TOR1AIP1: variants seen among roughly 807,000 people sequenced by gnomAD.
TOR1AIP1 encodes the protein torsin 1A interacting protein 1.
Under a neutral mutation model 63.3 loss-of-function variants are expected in TOR1AIP1, and 54 were observed. The ratio of observed to expected loss-of-function variants is 0.85; its 90% CI spans 0.69 to 1.07. The LOEUF is 1.07. Among genes scored for constraint, TOR1AIP1 ranks in the 50% least tolerant of loss-of-function variants. The pLI, the probability that TOR1AIP1 is intolerant of heterozygous loss-of-function variation, is 0.00. For synonymous variants in TOR1AIP1, 294 were observed against 273.5 expected (o/e 1.07, Z -0.74); for missense variants, 736 against 715.0 (o/e 1.03, Z -0.33).
At position 179,918,486 on chromosome 1, in the gene TOR1AIP1, T is replaced by G. The variant is rs1458328715; in HGVS notation, c.*247T>G. The G allele has an allele frequency of 2.4e-6, 1 of 412,216 alleles. No homozygotes were observed. The highest frequency in any genetic ancestry group is 2.0e-5 in the African/African-American group (1 of 49,046). 25.5% of individuals were successfully genotyped at this position (412,216 alleles called of 1,614,324 possible). ...AGGAGTGCAGATTATATGCAGTTCC[T>G]TAGAGAATCTGTTTTGATTCTGGGC... On this transcript the variant is annotated 3_prime_UTR_variant, in exon 10 of 10. Transcript: ENST00000606911.
At chr1:179,906,020 T>C (rs949018414) in intron 6 of TOR1AIP1, among the ~76,000 whole-genome samples, 1 of 152,102 alleles carries the variant, frequency 6.6e-6, no homozygotes, top group Admixed American at 6.6e-5. Flanking sequence ...GAAAAGTTGA[T>C]CAAGATATAT....
At chr1:179,907,913 CTTTTT>C (rs34218138) in intron 7 of TOR1AIP1, 49 bp downstream of exon 7, 188 of 356,410 alleles carry the variant, frequency 5.3e-4, no homozygotes, top group Middle Eastern at 1.1e-3. Flanking sequence ...ATTCTTTTCT[CTTTTT>C]TTTTTTTTTT....
chr1:179,899,485 T>A (rs1488889803), intron 3 of TOR1AIP1, among the ~76,000 whole-genome samples: 1 of 152,170 alleles, frequency 6.6e-6, no homozygotes, highest in East Asian at 1.9e-4. Context: ...AGTTGGTTTT[T>A]AAAGGGAGTA....
rs1477204165 is a variant in TOR1AIP1, at chr1:179,896,254, A to G, written c.611-3872A>G. On this transcript the variant is annotated intron_variant, in intron 3 of 9. Coordinates refer to ENST00000606911, the MANE Select transcript of TOR1AIP1 (RefSeq NM_015602.4). ...TCTTTATTCTATAATCATAAAATCT[A>G]TTTTATTCATGGAACAAACTTTTTT... is the stretch of plus-strand genomic sequence containing the variant. Among the ~76,000 whole-genome samples the G allele has an allele frequency of 2.6e-5, 4 of 152,110 alleles. No homozygotes were observed. In the South Asian group the frequency reaches 6.2e-4, roughly 24 times the overall value.
At chr1:179,912,886 A>T (rs1297167917) in intron 8 of TOR1AIP1, among the ~76,000 whole-genome samples, 1 of 152,194 alleles carries the variant, frequency 6.6e-6, no homozygotes, top group East Asian at 1.9e-4. Flanking sequence ...AGTTGTTGAT[A>T]TAACGCTAAG....
chr1:179,885,941 A>G (rs750720216), intron 2 of TOR1AIP1, among the ~76,000 whole-genome samples: 13 of 152,052 alleles, frequency 8.5e-5, no homozygotes, highest in Non-Finnish European at 1.5e-4. Flanking sequence ...GGTTTTCACC[A>G]TGTTGGCCAA....
intron 3 of TOR1AIP1, among the ~76,000 whole-genome samples, chr1:179,896,059 A>T (rs1648254482): frequency 2.0e-5 from 3 of 152,260 alleles, no homozygotes; most frequent in South Asian, 4.1e-4. Flanking sequence ...CTGATTCATC[A>T]TCAGATCGCA....
chr1:179,892,450 GC>G (rs1216752522), intron 3 of TOR1AIP1, among the ~76,000 whole-genome samples: 1 of 151,636 alleles, frequency 6.6e-6, no homozygotes, highest in African/African-American at 2.4e-5. Flanking sequence ...TCCAGCCTGG[GC>G]AAAAAGAGTA....
At chr1:179,901,833 A>G (rs1288787892) in intron 5 of TOR1AIP1, among the ~76,000 whole-genome samples, 1 of 152,124 alleles carries the variant, frequency 6.6e-6, no homozygotes. Flanking sequence ...AAGTTTATTC[A>G]ATGAAAGAGT....
chr1:179,890,101 T>A (rs557368925), intron 3 of TOR1AIP1, among the ~76,000 whole-genome samples: 2 of 152,362 alleles, frequency 1.3e-5, no homozygotes, highest in African/African-American at 4.8e-5. Flanking sequence ...TCAGGGACTT[T>A]ATTCTTCCAG....
At position 179,895,806 on chromosome 1, in the gene TOR1AIP1, AGGAGAATCACTTGAACCCG is replaced by A. The variant is rs1319376991; in HGVS notation, c.611-4296_611-4278del. On this transcript the variant is annotated intron_variant, in intron 3 of 9. Coordinates refer to ENST00000606911, the MANE Select transcript of TOR1AIP1 (RefSeq NM_015602.4). ...TCCCAGCTACTCGGGAAACTGAGGC[AGGAGAATCACTTGAACCCG>A]GGAGAATCACTTGAACCCGGGAGGC... Among the ~76,000 whole-genome samples, 149 of 152,130 alleles carry A rather than the reference AGGAGAATCACTTGAACCCG, an allele frequency of 9.8e-4. 1 individual carries two copies. The highest frequency in any genetic ancestry group is 2.9e-3 in the African/African-American group (121 of 41,530).
rs1450607304 is a variant in TOR1AIP1 at position 179,901,313 on chromosome 1, G to A, written c.664G>A (p.Glu222Lys). 1.2e-6 allele frequency: 2 copies of A among 1,609,912 alleles called. No homozygotes were observed. Among genetic ancestry groups the A allele is most frequent in the African/African-American group, 1.3e-5 (1 of 74,902 alleles). ...TTACTTCTCTTTAGGAGAAACTGAA[G>A]AAGATGATCAAGACAGCTCTCACAG... ...VNFSEEGETE[E>K]DDQDSSHSSV... is the part of the protein sequence containing the mutation. The change falls in exon 5 of 10, where the codon GAA becomes AAA. Residue 222 changes from glutamate to lysine, a missense_variant. Physicochemically the swap from Glu to Lys is moderately conservative, Grantham distance 56. This residue lies in a region of TOR1AIP1 where 464 missense variants were observed against 371.0 expected (regional missense o/e 1.25). Transcript: ENST00000606911.
At chr1:179,900,487 G>A (rs73050384) in intron 4 of TOR1AIP1, 4,771 of 174,452 alleles carry the variant, frequency 0.027, 221 homozygotes, top group African/African-American at 0.1. Context: ...CAAAACTCCC[G>A]TGCTGATCAG....
At chr1:179,890,776 T>C (rs940129305) in intron 3 of TOR1AIP1, among the ~76,000 whole-genome samples, 2 of 152,136 alleles carry the variant, frequency 1.3e-5, no homozygotes, top group African/African-American at 4.8e-5. Flanking sequence ...TGCATCACCA[T>C]GCCTGGCTGA....
chr1:179,896,101 G>A (rs1020967331), intron 3 of TOR1AIP1, among the ~76,000 whole-genome samples: 4 of 152,100 alleles, frequency 2.6e-5, no homozygotes, highest in African/African-American at 7.2e-5. Context: ...TTTGCAGCTT[G>A]GGTAAAAAGG....
chr1:179,907,179 T>G (rs986984448), intron 6 of TOR1AIP1, among the ~76,000 whole-genome samples: 2 of 151,578 alleles, frequency 1.3e-5, no homozygotes, highest in Non-Finnish European at 2.9e-5. Flanking sequence ...AGGTCAGGAA[T>G]TTGAGACCAG....
At chr1:179,886,448 TG>T (rs1315680114) in intron 2 of TOR1AIP1, among the ~76,000 whole-genome samples, 3 of 152,224 alleles carry the variant, frequency 2.0e-5, no homozygotes, top group Non-Finnish European at 2.9e-5. Context: ...TCACTCATCT[TG>T]AGCCTTAGGC....
intron 3 of TOR1AIP1, among the ~76,000 whole-genome samples, chr1:179,895,349 A>C (rs141511375): frequency 6.6e-6 from 1 of 152,322 alleles, no homozygotes; most frequent in East Asian, 1.9e-4. Flanking sequence ...ATGGTGGCTC[A>C]TGCTTGTAAT....
chr1:179,902,900 T>C (rs1648511460), intron 5 of TOR1AIP1, among the ~76,000 whole-genome samples: 1 of 152,126 alleles, frequency 6.6e-6, no homozygotes, highest in Non-Finnish European at 1.5e-5. Flanking sequence ...TAGCCAATAG[T>C]TTGCTGCCAT....
Sources: gnomAD v4.1 joint callset for allele counts (sites outside exome capture counted in the v4.1 genomes callset) on GRCh38, gnomAD v4.1.1 for gene constraint, gnomAD v4.1.1 regional missense constraint, MANE v1.5 for transcripts, NCBI Gene and HGNC (gene_info 2026-07-23, HGNC 2026-07-21) for gene names.